The following CEP89 variants were observed in gnomAD, a reference collection of about 807,000 sequenced individuals.
CEP89 encodes centrosomal protein of 89 kDa.
Under a neutral mutation model 97.6 loss-of-function variants are expected in CEP89, and 95 were observed. That is an observed-to-expected ratio of 0.97 (90% CI 0.82 to 1.15). The LOEUF is 1.15. CEP89 is among the 50% of genes most tolerant of loss of function. The probability of loss-of-function intolerance (pLI) is 0.00; values close to 1 mark genes in which losing one functional copy is unlikely to be tolerated. For missense variants in CEP89, 869 were observed against 947.7 expected, an observed-to-expected ratio of 0.92 and a Z score of 1.09; for synonymous variants, 354 against 349.1, an observed-to-expected ratio of 1.01 and a Z score of -0.16.
At chr19:32,946,906 G>A (rs754850840) in intron 5 of CEP89, among the ~76,000 whole-genome samples, 2 of 150,344 alleles carry the variant, frequency 1.3e-5, no homozygotes, top group South Asian at 2.1e-4. Context: ...GCGTGAAAAC[G>A]GACTAATGCA....
chr19:32,931,222 A>G (rs1316301430), intron 9 of CEP89: 4 of 546,092 alleles, frequency 7.3e-6, no homozygotes, highest in Middle Eastern at 9.2e-4. Flanking sequence ...TATTGTCCCA[A>G]TGTTTTACAG....
Position 32,918,320 on chromosome 19 carries a change from C to T in CEP89, c.1288G>A (p.Ala430Thr). 1.9e-6 allele frequency: 3 copies of T among 1,614,052 alleles called. No individual in the cohort carries two copies. The South Asian group carries it at 3.3e-5, about 18-fold the overall frequency. ...TTGTTTTCCTCTAAAACCAGTTTTG[C>T]TTGAGTCTGAAGCTGACGCCTGCAA... ...SEEWRQLQTQ[A>T]KLVLEENKLL... Residue 430 changes from alanine to threonine, a missense_variant, in exon 13 of 19, where the codon GCA becomes ACA. Coordinates refer to ENST00000305768, the MANE Select transcript of CEP89 (RefSeq NM_032816.5).
intron 18 of CEP89, among the ~76,000 whole-genome samples, chr19:32,879,710 A>G (rs1242365288): frequency 6.6e-6 from 1 of 152,238 alleles, no homozygotes; most frequent in Non-Finnish European, 1.5e-5. Flanking sequence ...TCTCTCAAGA[A>G]TGAACTTGGG....
At chr19:32,889,177 C>A (rs1002771093) in intron 16 of CEP89, among the ~76,000 whole-genome samples, 1 of 152,174 alleles carries the variant, frequency 6.6e-6, no homozygotes, top group Non-Finnish European at 1.5e-5. Flanking sequence ...GCCACTAACA[C>A]CCCTGGACCT....
intron 11 of CEP89, 37 bp downstream of exon 11, chr19:32,926,153 A>G (rs781361563): frequency 2.7e-5 from 39 of 1,463,294 alleles, no homozygotes; most frequent in Non-Finnish European, 3.3e-5. Context: ...CTATATTTTT[A>G]TAAATCTTGT....
rs985365620 is a variant in CEP89 at position 32,936,571 on chromosome 19, T to C, written c.667+1060A>G. 1.5e-4 allele frequency among the ~76,000 whole-genome samples: 23 copies of C among 152,224 alleles called. No homozygotes were observed. The highest frequency in any genetic ancestry group is 1.2e-3 in the Admixed American group (19 of 15,300). ...TTCCAGGCCCACCCATGGCCACCCATGGACCAATCGGTGCGCACTTCCTCC... is the reference window on the plus strand; with the variant it reads ...TTCCAGGCCCACCCATGGCCACCCACGGACCAATCGGTGCGCACTTCCTCC... On this transcript the variant is annotated intron_variant, in intron 7 of 18. Transcript: ENST00000305768. The surrounding 1 kb of genome is among the most constrained non-coding windows in gnomAD (Gnocchi z 4.5).
At chr19:32,921,363 C>T (rs1285572962) in intron 12 of CEP89, among the ~76,000 whole-genome samples, 2 of 152,158 alleles carry the variant, frequency 1.3e-5, no homozygotes, top group African/African-American at 4.8e-5. Context: ...GTGTGATGCT[C>T]CAGAGCCCAG....
At chr19:32,949,856 A>T (rs1251043244) in intron 4 of CEP89, among the ~76,000 whole-genome samples, 1 of 152,134 alleles carries the variant, frequency 6.6e-6, no homozygotes, top group Non-Finnish European at 1.5e-5. Flanking sequence ...GGTGGCAGGG[A>T]CTAGCAAGAC....
rs1167983479 is a variant in CEP89, at chr19:32,902,004, CTCTCTCTG to C, written c.1566-600_1566-593del. On this transcript the variant is annotated intron_variant, in intron 14 of 18. Transcript: ENST00000305768. ...TATGTCTCTGTCTCTCTGTCTCTCTCTCTCTCTGTGTGTGTGTGTGTGTGTGTGTGTGT... is the reference window on the plus strand; with the variant it reads ...TATGTCTCTGTCTCTCTGTCTCTCTCTGTGTGTGTGTGTGTGTGTGTGTGT... Among the ~76,000 whole-genome samples, 5 of 100,364 alleles carry C rather than the reference CTCTCTCTG, an allele frequency of 5.0e-5. No homozygotes were observed. In the East Asian group the frequency reaches 7.5e-4, roughly 15 times the overall value. The allele number at this position is 100,364 out of a possible 152,430, so 65.8% of individuals were successfully genotyped here.
chr19:32,929,218 C>A (rs1970420744), intron 9 of CEP89, among the ~76,000 whole-genome samples: 1 of 152,132 alleles, frequency 6.6e-6, no homozygotes, highest in African/African-American at 2.4e-5. Flanking sequence ...AATCCACTAA[C>A]ACAAATGTAC....
chr19:32,886,013 C>A (rs34689079), intron 17 of CEP89, among the ~76,000 whole-genome samples: 12,371 of 152,180 alleles, frequency 0.081, 1,569 homozygotes, highest in African/African-American at 0.27. Flanking sequence ...TGTCAGTTCC[C>A]TCCCACACCC....
Position 32,959,973 on chromosome 19 carries a change from C to T in CEP89, c.232G>A (p.Glu78Lys). 1 of 1,614,216 alleles carries T rather than the reference C, an allele frequency of 6.2e-7. No homozygotes were observed. Among genetic ancestry groups the T allele is most frequent in the Non-Finnish European group, 8.5e-7 (1 of 1,180,044 alleles). ...IPQPRQRSRS[E>K]SDVSSVEQDS... ...TGTTCAACACTGCTCACATCACTCT[C>T]AGACCGGGACCTCTGGCGAGGCTGA... Residue 78 changes from glutamate (E) to lysine (K), a missense_variant, in exon 3 of 19, where the codon GAG becomes AAG. By Grantham distance (56) the Glu-to-Lys change is moderately conservative. Coordinates refer to ENST00000305768, the MANE Select transcript of CEP89 (RefSeq NM_032816.5).
chr19:32,926,900 A>C (rs369161238), intron 10 of CEP89, 34 bp downstream of exon 10: 2 of 1,599,114 alleles, frequency 1.3e-6, no homozygotes, highest in East Asian at 4.5e-5. Context: ...ATACCCTGAA[A>C]ATATGGGCCT....
At chr19:32,959,406 C>A (rs999065800) in intron 3 of CEP89, among the ~76,000 whole-genome samples, 2 of 152,128 alleles carry the variant, frequency 1.3e-5, no homozygotes, top group African/African-American at 2.4e-5. Flanking sequence ...GACCCCCTAG[C>A]CCTGTGTCAG....
At chr19:32,953,450 A>G (rs1970967953) in intron 4 of CEP89, among the ~76,000 whole-genome samples, 165 bp downstream of exon 4, 1 of 152,136 alleles carries the variant, frequency 6.6e-6, no homozygotes, top group Non-Finnish European at 1.5e-5. Context: ...TTATGTTTTA[A>G]TCTAACCAGA....
intron 2 of CEP89, among the ~76,000 whole-genome samples, chr19:32,963,330 TG>T (rs1296565914): frequency 6.6e-6 from 1 of 152,146 alleles, no homozygotes; most frequent in African/African-American, 2.4e-5. Context: ...CACTCCAGCC[TG>T]GGTGACAGAA....
chr19:32,906,757 A>C (rs1969895059), intron 14 of CEP89, among the ~76,000 whole-genome samples: 1 of 149,112 alleles, frequency 6.7e-6, no homozygotes, highest in Non-Finnish European at 1.5e-5. Context: ...ATAAATATAT[A>C]TACATACATA....
At chr19:32,928,695 C>G (rs373509744) in intron 9 of CEP89, among the ~76,000 whole-genome samples, 1 of 152,166 alleles carries the variant, frequency 6.6e-6, no homozygotes, top group East Asian at 1.9e-4. Flanking sequence ...TTCCACAAGA[C>G]TCCAAGGAGC....
chr19:32,883,465 T>A (rs1969329272), intron 17 of CEP89, among the ~76,000 whole-genome samples: 2 of 152,142 alleles, frequency 1.3e-5, no homozygotes, highest in African/African-American at 4.8e-5. Flanking sequence ...ACCAGCCTGG[T>A]CAGGAGTTCC....
Sources: gnomAD v4.1 joint callset for allele counts (sites outside exome capture counted in the v4.1 genomes callset) on GRCh38, gnomAD v4.1.1 for gene constraint, Gnocchi (gnomAD v3.1) non-coding constraint, MANE v1.5 for transcripts, NCBI Gene and HGNC (gene_info 2026-07-23, HGNC 2026-07-21) for gene names.